The following ADD3 variants were observed in gnomAD, a reference collection of about 807,000 sequenced individuals.
The protein encoded by ADD3 is gamma-adducin.
Under a neutral mutation model 80.2 loss-of-function variants are expected in ADD3, and 25 were observed. The ratio of observed to expected loss-of-function variants is 0.31; its 90% CI spans 0.23 to 0.44. The LOEUF (loss-of-function observed/expected upper bound fraction) is 0.44. Ranked by LOEUF, ADD3 falls within the 20% of genes least tolerant of loss-of-function variation. The pLI, the probability that ADD3 is intolerant of heterozygous loss-of-function variation, is 1.00. For missense variants in ADD3, 829 were observed against 847.5 expected (o/e 0.98, Z 0.27); for synonymous variants, 284 against 289.6 (o/e 0.98, Z 0.20).
At chr10:109,998,915 A>T (rs1851431152) in intron 1 of ADD3, among the ~76,000 whole-genome samples, 1 of 148,148 alleles carries the variant, frequency 6.8e-6, no homozygotes, top group African/African-American at 2.5e-5. Context: ...TACCTTATTT[A>T]TTGATTTGTT....
chr10:110,084,690 A>C (rs1846484573), intron 1 of ADD3, among the ~76,000 whole-genome samples: 1 of 152,214 alleles, frequency 6.6e-6, no homozygotes, highest in Admixed American at 6.5e-5. Context: ...ACATCTTTAA[A>C]TTCTAAGGAT....
chr10:110,059,356 C>T (rs1036755466), intron 1 of ADD3, among the ~76,000 whole-genome samples: 4 of 152,150 alleles, frequency 2.6e-5, no homozygotes, highest in Middle Eastern at 3.2e-3. Flanking sequence ...CCTGTAATCC[C>T]AGCTACTCAG....
chr10:110,035,107 TAAG>T (rs1855487752), intron 1 of ADD3, among the ~76,000 whole-genome samples: 1 of 152,240 alleles, frequency 6.6e-6, no homozygotes, highest in Non-Finnish European at 1.5e-5. Context: ...TGTTTAATGC[TAAG>T]TAGTATTTAT....
intron 2 of ADD3, among the ~76,000 whole-genome samples, chr10:110,101,440 C>T (rs1211237662): frequency 6.6e-6 from 1 of 151,934 alleles, no homozygotes; most frequent in African/African-American, 2.4e-5. Context: ...TTGAAACCAG[C>T]CTAGGCAGCA....
chr10:110,084,344 A>G (rs185496817), intron 1 of ADD3, among the ~76,000 whole-genome samples: 3 of 152,358 alleles, frequency 2.0e-5, no homozygotes, highest in East Asian at 3.9e-4. Context: ...AAATTGTAAC[A>G]TGAGGCATTA....
chr10:110,118,349 C>T (rs142480748), intron 5 of ADD3, among the ~76,000 whole-genome samples: 1 of 152,222 alleles, frequency 6.6e-6, no homozygotes, highest in African/African-American at 2.4e-5. Context: ...TTTTGTTGCA[C>T]CTGTTTTATA....
At chr10:110,043,181 T>C (rs1413198517) in intron 1 of ADD3, among the ~76,000 whole-genome samples, 1 of 152,232 alleles carries the variant, frequency 6.6e-6, no homozygotes, top group Non-Finnish European at 1.5e-5. Flanking sequence ...GCCAGCCCAG[T>C]TTTCATTTGA....
chr10:110,128,559 G>A (rs184800256), intron 12 of ADD3, among the ~76,000 whole-genome samples: 2 of 152,140 alleles, frequency 1.3e-5, no homozygotes, highest in African/African-American at 4.8e-5. Flanking sequence ...GGGACTACAG[G>A]CGCCTGTCAC....
intron 1 of ADD3, among the ~76,000 whole-genome samples, chr10:110,048,973 A>G (rs918019362): frequency 2.0e-5 from 3 of 152,180 alleles, no homozygotes; most frequent in East Asian, 1.9e-4. Context: ...GCCTGGAGGC[A>G]TGGAGGAAAA....
At chr10:109,999,869 T>C (rs894653428) in intron 1 of ADD3, among the ~76,000 whole-genome samples, 11 of 152,082 alleles carry the variant, frequency 7.2e-5, no homozygotes, top group African/African-American at 2.4e-4. Context: ...CATACATTTG[T>C]GTTTCATTTC....
intron 1 of ADD3, among the ~76,000 whole-genome samples, chr10:110,049,219 G>C (rs1447822236): frequency 1.3e-5 from 2 of 152,236 alleles, no homozygotes; most frequent in Non-Finnish European, 2.9e-5. Flanking sequence ...GAGGATGTAT[G>C]GAAACGCCTG....
intron 1 of ADD3, among the ~76,000 whole-genome samples, chr10:110,091,407 A>G (rs1847491344): frequency 6.6e-6 from 1 of 152,240 alleles, no homozygotes; most frequent in Non-Finnish European, 1.5e-5. Context: ...AGTAACTAAA[A>G]CAGCCTGGTA....
At chr10:110,059,517 C>G (rs1858617311) in intron 1 of ADD3, among the ~76,000 whole-genome samples, 1 of 151,758 alleles carries the variant, frequency 6.6e-6, no homozygotes. Flanking sequence ...AATCCCAGCA[C>G]TTGGGGAAGC....
chr10:110,038,092 AAG>A (rs1409303265), intron 1 of ADD3, among the ~76,000 whole-genome samples: 16 of 151,110 alleles, frequency 1.1e-4, no homozygotes, highest in African/African-American at 3.9e-4. Context: ...AAAAAAAAAA[AAG>A]ATATTTGGAA....
intron 1 of ADD3, among the ~76,000 whole-genome samples, chr10:110,023,327 TACC>T (rs1853905146): frequency 6.6e-6 from 1 of 152,174 alleles, no homozygotes; most frequent in Non-Finnish European, 1.5e-5. Context: ...AGCTGGCCTT[TACC>T]AGACACTGAG....
intron 10 of ADD3, among the ~76,000 whole-genome samples, chr10:110,124,654 G>A (rs1851916787): frequency 6.6e-6 from 1 of 152,090 alleles, no homozygotes; most frequent in South Asian, 2.1e-4. Flanking sequence ...TAATTCACCA[G>A]TGAATTAAAA....
At chr10:110,095,239 T>A (rs1328280677) in intron 1 of ADD3, among the ~76,000 whole-genome samples, 1 of 152,242 alleles carries the variant, frequency 6.6e-6, no homozygotes, top group Non-Finnish European at 1.5e-5. Flanking sequence ...ATAATTCACA[T>A]ACCATGCCAT....
chr10:110,036,276 A>ATTATAAC, intron 1 of ADD3, among the ~76,000 whole-genome samples: 1 of 152,028 alleles, frequency 6.6e-6, no homozygotes, highest in African/African-American at 2.4e-5. Context: ...CAGTTTCATT[A>ATTATAAC]TTATAACTTA....
chr10:110,098,591 A>G (rs1176913387), intron 1 of ADD3, among the ~76,000 whole-genome samples: 2 of 152,104 alleles, frequency 1.3e-5, no homozygotes, highest in Non-Finnish European at 2.9e-5. Context: ...TTTAACACCC[A>G]TATTTCTTAA....
Sources: allele counts gnomAD v4.1 joint callset (sites outside exome capture counted in the v4.1 genomes callset), GRCh38; gene constraint gnomAD v4.1.1; transcripts MANE v1.5; gene names NCBI Gene and HGNC (gene_info 2026-07-23, HGNC 2026-07-21).